The following MARF1 variants were observed in gnomAD, a reference collection of about 807,000 sequenced individuals.
MARF1 encodes limkain-b1.
MARF1 carries 24 observed loss-of-function variants against 168.2 expected under a neutral mutation model. The observed-to-expected ratio is 0.14, with a 90% CI of 0.10 to 0.20. The LOEUF (loss-of-function observed/expected upper bound fraction) is 0.20, where lower values mean the gene tolerates loss of function less well. Among genes scored for constraint, MARF1 ranks in the 10% least tolerant of loss-of-function variants. MARF1 has a pLI of 1.00. For synonymous variants in MARF1, 868 were observed against 822.4 expected, an observed-to-expected ratio of 1.06 and a Z score of -0.95; for missense variants, 1,744 against 2,143.6, an observed-to-expected ratio of 0.81 and a Z score of 3.68.
intron 21 of MARF1, 28 bp downstream of exon 21, chr16:15,608,263 A>G (rs981821948): frequency 3.4e-6 from 3 of 875,112 alleles, no homozygotes; most frequent in African/African-American, 1.8e-5. Context: ...CATGAGGGAA[A>G]AAAAAAAAAA....
chr16:15,632,584 C>T (rs1212860794), intron 5 of MARF1, among the ~76,000 whole-genome samples: 1 of 152,142 alleles, frequency 6.6e-6, no homozygotes, highest in African/African-American at 2.4e-5. Context: ...AGGATATCCC[C>T]TAAGGGAGCT....
chr16:15,630,528 C>T lies in MARF1; in HGVS notation c.1352-24G>A. The T allele has an allele frequency of 1.9e-6, 3 of 1,589,052 alleles. No individual in the cohort carries two copies. In the South Asian group the frequency reaches 3.4e-5, roughly 18 times the overall value. ...AGCTGAAAGAAAAGGTACAGACCAA[C>T]CCCATCCCCAAACATTAGAAACACT... On this transcript the variant is annotated intron_variant, in intron 6 of 26. Transcript: ENST00000396368.
intron 10 of MARF1, 151 bp from the exon 11 acceptor site, chr16:15,623,274 C>CTTTTTTTTTTTTTTT (rs71375044): frequency 8.7e-6 from 1 of 114,990 alleles, no homozygotes; most frequent in Admixed American, 1.5e-4. Flanking sequence ...TGTTTTTAAT[C>CTTTTTTTTTTTTTTT]TTTTTTTTTT....
intron 15 of MARF1, among the ~76,000 whole-genome samples, 184 bp from the exon 16 acceptor site, chr16:15,616,189 T>G (rs2034029702): frequency 6.6e-6 from 1 of 152,204 alleles, no homozygotes. Context: ...CTGGCCTCTC[T>G]GATGCATTCT....
At chr16:15,642,860 G>T (rs1360688164) in intron 1 of MARF1, among the ~76,000 whole-genome samples, 158 bp downstream of exon 1, 1 of 152,132 alleles carries the variant, frequency 6.6e-6, no homozygotes, top group African/African-American at 2.4e-5. Context: ...CTTTCGTGGG[G>T]GGCCCAACTG....
intron 17 of MARF1, 65 bp from the exon 18 acceptor site, chr16:15,611,799 G>A: frequency 7.1e-7 from 1 of 1,399,688 alleles, no homozygotes. Flanking sequence ...CTTGCTGCTG[G>A]CTCACCCTCT....
At chr16:15,623,166 CTGTA>C (rs2034587410) in intron 10 of MARF1, 43 bp from the exon 11 acceptor site, 1 of 1,442,866 alleles carries the variant, frequency 6.9e-7, no homozygotes. Context: ...AAAAACTGTT[CTGTA>C]TATTTAGATT....
chr16:15,597,080 T>C (rs2031789965), intron 26 of MARF1, 143 bp from the exon 27 acceptor site: 3 of 894,574 alleles, frequency 3.4e-6, no homozygotes. Context: ...AGTTTACATA[T>C]GAGTTGTGTG....
At position 15,615,884 on chromosome 16, in the gene MARF1, T is replaced by G. The variant is rs1349447813; in HGVS notation, c.3199A>C (p.Asn1067His). 1 of 1,599,722 alleles carries G rather than the reference T, an allele frequency of 6.3e-7. No individual in the cohort carries two copies. ...ATCCATTTAACCACTTTGATGCCAT[T>G]CTGAGCAGTGGCAATGTTTACACCT... ...VPGVNIATAQ[N>H]GIKVVKWIHN... Residue 1067 changes from asparagine (N) to histidine (H), a missense_variant, in exon 16 of 27, where the codon AAT (asparagine) becomes CAT (histidine). Coordinates refer to ENST00000396368, the MANE Select transcript of MARF1 (RefSeq NM_014647.4).
intron 7 of MARF1, among the ~76,000 whole-genome samples, chr16:15,628,264 C>T (rs2035010456): frequency 6.6e-6 from 1 of 152,054 alleles, no homozygotes; most frequent in African/African-American, 2.4e-5. Context: ...TTTAAACGTA[C>T]ATTTTTTAAA....
chr16:15,611,060 C>T lies in MARF1; in HGVS notation c.3666G>A (p.Leu1222=). The change falls in exon 19 of 27, where the codon TTG becomes TTA. Residue 1222 remains leucine (L), a synonymous_variant. Coordinates refer to ENST00000396368, the MANE Select transcript of MARF1 (RefSeq NM_014647.4). Reference sequence around the variant, plus strand: ...CTGGAATCTCTGATACGATGTCAATCAACTCACAAACACCATATTCAGTGA... The same window carrying T: ...CTGGAATCTCTGATACGATGTCAATTAACTCACAAACACCATATTCAGTGA... ...WDVTEYGVCE[L]IDIVSEIPDT... The T allele has an allele frequency of 6.2e-7, 1 of 1,613,800 alleles. No homozygotes were observed. The highest frequency in any genetic ancestry group is 8.5e-7 in the Non-Finnish European group (1 of 1,179,680).
intron 13 of MARF1, among the ~76,000 whole-genome samples, chr16:15,619,623 A>G (rs1166411258): frequency 2.0e-5 from 3 of 151,958 alleles, no homozygotes; most frequent in Non-Finnish European, 2.9e-5. Flanking sequence ...CCTCCTTTCC[A>G]ATCAGTTTTC....
chr16:15,612,619 C>G lies in MARF1; in HGVS notation c.3412G>C (p.Val1138Leu). The change falls in exon 17 of 27, where the codon GTG becomes CTG. Residue 1138 changes from valine to leucine, a missense_variant. By Grantham distance (32) the Val-to-Leu change is conservative (BLOSUM62 1). This residue lies in a region of MARF1 where 543 missense variants were observed against 742.1 expected (regional missense o/e 0.73). Coordinates refer to ENST00000396368, the MANE Select transcript of MARF1 (RefSeq NM_014647.4). The stretch of plus-strand genomic sequence containing the variant: ...AGCTTGGAGTATCCGTAGTCTGACA[C>G]TCGGCACTGCTTTGCAAAATGATGG... ...YHHHFAKQCR[V>L]SDYGYSKLIE... 6.2e-7 allele frequency: 1 copy of G among 1,614,124 alleles called. No individual in the cohort carries two copies. The highest frequency in any genetic ancestry group is 1.1e-5 in the South Asian group (1 of 91,084).
chr16:15,625,443 C>T lies in MARF1; in HGVS notation c.1882G>A (p.Ala628Thr), dbSNP rs2034778159. The stretch of plus-strand genomic sequence containing the variant: ...GCCTGTGACCCTTTTCCAGGCGTGG[C>T]TTTGGCACTGGAAGATTGTTCACTT... ...DASEQSSSAKATPGKGSQANS... is the reference protein window; with the variant it reads ...DASEQSSSAKTTPGKGSQANS... The change falls in exon 8 of 27, where the codon GCC becomes ACC. Residue 628 changes from alanine to threonine, a missense_variant. By Grantham distance (58) the Ala-to-Thr change is moderately conservative. Transcript: ENST00000396368. 6.2e-7 allele frequency: 1 copy of T among 1,614,134 alleles called. No homozygotes were observed. Among genetic ancestry groups the T allele is most frequent in the Non-Finnish European group, 8.5e-7 (1 of 1,180,020 alleles).
intron 22 of MARF1, among the ~76,000 whole-genome samples, chr16:15,603,681 GT>G (rs1194762063): frequency 6.6e-6 from 1 of 151,946 alleles, no homozygotes; most frequent in Non-Finnish European, 1.5e-5. Context: ...TTTACTCTAG[GT>G]TTTTATATCT....
At chr16:15,613,594 G>A (rs1182313158) in intron 16 of MARF1, among the ~76,000 whole-genome samples, 2 of 151,570 alleles carry the variant, frequency 1.3e-5, no homozygotes, top group East Asian at 1.9e-4. Context: ...CCCAGGAGGT[G>A]GAGCTTGCAG....
chr16:15,613,689 A>AAAT (rs10657514), intron 16 of MARF1, among the ~76,000 whole-genome samples: 264 of 63,934 alleles, frequency 4.1e-3, no homozygotes, highest in Non-Finnish European at 6.2e-3. Context: ...ATAAATAAAT[A>AAAT]AAATAAAATA....
chr16:15,628,705 A>G (rs1019433400), intron 7 of MARF1, among the ~76,000 whole-genome samples: 1 of 152,058 alleles, frequency 6.6e-6, no homozygotes, highest in African/African-American at 2.4e-5. Context: ...CGTGAGCCAC[A>G]TCACTCGGCC....
intron 18 of MARF1, 124 bp from the exon 19 acceptor site, chr16:15,611,232 A>C (rs2033508908): frequency 1.1e-6 from 1 of 871,652 alleles, no homozygotes; most frequent in Non-Finnish European, 1.8e-6. Flanking sequence ...GCCGAGGTGG[A>C]CGGATCACGA....
Sources: allele counts gnomAD v4.1 joint callset (sites outside exome capture counted in the v4.1 genomes callset), GRCh38; gene constraint gnomAD v4.1.1; regional missense constraint gnomAD v4.1.1; transcripts MANE v1.5; gene names NCBI Gene and HGNC (gene_info 2026-07-23, HGNC 2026-07-21).